The following BNC2 variants were observed in gnomAD, a reference collection of about 807,000 sequenced individuals.
The protein encoded by BNC2 is basonuclin zinc finger protein 2.
Under a neutral mutation model 76.3 loss-of-function variants are expected in BNC2, and 20 were observed. The ratio of observed to expected loss-of-function variants is 0.26; its 90% CI spans 0.18 to 0.38. The LOEUF is 0.38. BNC2 is among the 10% of genes least tolerant of loss of function. BNC2 has a pLI of 1.00. For missense variants in BNC2, 1,382 were observed against 1,399.8 expected, an observed-to-expected ratio of 0.99 and a Z score of 0.20; for synonymous variants, 582 against 514.8, an observed-to-expected ratio of 1.13 and a Z score of -1.77.
intron 1 of BNC2, among the ~76,000 whole-genome samples, chr9:16,780,219 G>A (rs540875586): frequency 1.8e-5 from 2 of 111,338 alleles, no homozygotes; most frequent in Non-Finnish European, 3.4e-5. Flanking sequence ...CTGGGTGACA[G>A]AGCAAGACTT....
Position 16,435,410 on chromosome 9 carries a change from G to A in BNC2, c.2639+145C>T, listed in dbSNP as rs780463041. ...GCAACAATCCTTCATGAGCATGGCA[G>A]CCTAGTTATCACATGATCACTGTGG... is the stretch of plus-strand genomic sequence containing the variant. On this transcript the variant is annotated intron_variant, in intron 6 of 6. Transcript: ENST00000380672. 22 of 975,538 alleles carry A rather than the reference G, an allele frequency of 2.3e-5. No individual in the cohort carries two copies. In the Middle Eastern group the frequency reaches 9.3e-4, roughly 41 times the overall value. The allele number at this position is 975,538 out of a possible 1,614,324, so 60.4% of individuals were successfully genotyped here.
intron 3 of BNC2, among the ~76,000 whole-genome samples, chr9:16,655,176 C>T (rs1234118037): frequency 6.6e-6 from 1 of 151,370 alleles, no homozygotes; most frequent in Non-Finnish European, 1.5e-5. Context: ...GAGGAAAAAA[C>T]TGGGGGAGGG....
intron 3 of BNC2, among the ~76,000 whole-genome samples, 157 bp from the exon 4 acceptor site, chr9:16,583,242 T>C (rs2133059709): frequency 6.6e-6 from 1 of 152,244 alleles, no homozygotes; most frequent in South Asian, 2.1e-4. Context: ...CACCAAAATC[T>C]CTTATTAAAA....
chr9:16,780,367 C>A (rs1295469207), intron 1 of BNC2, among the ~76,000 whole-genome samples: 1 of 150,600 alleles, frequency 6.6e-6, no homozygotes, highest in South Asian at 2.1e-4. Context: ...AGGTCAGGAG[C>A]TCAAGACCAT....
intron 5 of BNC2, among the ~76,000 whole-genome samples, chr9:16,468,431 C>T (rs1821743247): frequency 6.6e-6 from 1 of 151,442 alleles, no homozygotes; most frequent in Non-Finnish European, 1.5e-5. Context: ...GAGTCTCGCT[C>T]TGTCACCAGG....
intron 5 of BNC2, among the ~76,000 whole-genome samples, chr9:16,465,849 G>A (rs1295370999): frequency 1.3e-5 from 2 of 151,912 alleles, no homozygotes; most frequent in Non-Finnish European, 2.9e-5. Flanking sequence ...GCAGGAGAAG[G>A]AAATAAAGGG....
chr9:16,780,235 C>CCAA (rs1826099189), intron 1 of BNC2, among the ~76,000 whole-genome samples: 1 of 66,310 alleles, frequency 1.5e-5, no homozygotes, highest in Non-Finnish European at 2.7e-5. Context: ...GACTTCGTTT[C>CCAA]AAAAAAAAAA....
intron 1 of BNC2, among the ~76,000 whole-genome samples, chr9:16,811,533 C>G (rs1586903178): frequency 1.1e-5 from 1 of 87,100 alleles, no homozygotes; most frequent in Non-Finnish European, 2.1e-5. Flanking sequence ...GCCTGGGCAA[C>G]AAGAGTGAAA....
chr9:16,807,681 G>A (rs555129712), intron 1 of BNC2, among the ~76,000 whole-genome samples: 1 of 152,230 alleles, frequency 6.6e-6, no homozygotes, highest in African/African-American at 2.4e-5. Flanking sequence ...TTACTAAATT[G>A]TTTAATTGAA....
chr9:16,780,359 G>C (rs1466138229), intron 1 of BNC2, among the ~76,000 whole-genome samples: 1 of 151,868 alleles, frequency 6.6e-6, no homozygotes, highest in Non-Finnish European at 1.5e-5. Flanking sequence ...AGATCATGAG[G>C]TCAGGAGCTC....
At chr9:16,572,654 G>T (rs1163191730) in intron 4 of BNC2, among the ~76,000 whole-genome samples, 1 of 152,104 alleles carries the variant, frequency 6.6e-6, no homozygotes, top group African/African-American at 2.4e-5. Context: ...CGGGGGTGGG[G>T]AGTGGTGGTG....
intron 3 of BNC2, among the ~76,000 whole-genome samples, chr9:16,699,581 G>A (rs1358989923): frequency 2.6e-5 from 4 of 152,292 alleles, no homozygotes; most frequent in Non-Finnish European, 5.9e-5. Flanking sequence ...TGGCACTGTT[G>A]ATAAACAGAT....
At chr9:16,506,268 C>T (rs1822621565) in intron 5 of BNC2, among the ~76,000 whole-genome samples, 1 of 152,236 alleles carries the variant, frequency 6.6e-6, no homozygotes, top group Non-Finnish European at 1.5e-5. Context: ...TAGACGAAGG[C>T]CACCCACTCG....
intron 1 of BNC2, among the ~76,000 whole-genome samples, chr9:16,759,029 T>G (rs1825475359): frequency 1.3e-5 from 2 of 152,252 alleles, no homozygotes; most frequent in African/African-American, 4.8e-5. Flanking sequence ...TTTTTAGCAG[T>G]AATAAATTCC....
intron 5 of BNC2, among the ~76,000 whole-genome samples, chr9:16,485,245 G>A (rs1483560145): frequency 3.9e-5 from 6 of 152,070 alleles, no homozygotes; most frequent in African/African-American, 1.2e-4. Context: ...TAATACAATT[G>A]TTCTGAATTG....
intron 5 of BNC2, among the ~76,000 whole-genome samples, chr9:16,503,122 G>C (rs1822555450): frequency 6.6e-6 from 1 of 152,100 alleles, no homozygotes; most frequent in Admixed American, 6.6e-5. Context: ...GTATTTGAAA[G>C]AAAAACAGAA....
chr9:16,481,950 A>G (rs752865147), intron 5 of BNC2, among the ~76,000 whole-genome samples: 15 of 152,358 alleles, frequency 9.8e-5, no homozygotes, highest in South Asian at 8.3e-4. Context: ...ACTTCACGGG[A>G]TCATTATGTG....
chr9:16,759,744 C>G lies in BNC2; in HGVS notation c.4-21259G>C, dbSNP rs532149029. On this transcript the variant is annotated intron_variant, in intron 1 of 6. Coordinates refer to ENST00000380672, the MANE Select transcript of BNC2 (RefSeq NM_017637.6). ...TAAACTATTTTTTTTTTTTTTTTGA[C>G]ACAGAGTCTCGCTCTGTCGCCCTGA... 4.3e-4 allele frequency among the ~76,000 whole-genome samples: 59 copies of G among 138,758 alleles called. 1 individual carries two copies. The highest frequency in any genetic ancestry group is 1.5e-3 in the African/African-American group (56 of 37,546). The allele number at this position is 138,758 out of a possible 152,430, so 91.0% of individuals were successfully genotyped here. A position where few individuals can be genotyped will look rare whatever the true frequency, so the allele number is the denominator to read the frequency against.
intron 4 of BNC2, among the ~76,000 whole-genome samples, chr9:16,561,491 C>A (rs1419599617): frequency 6.6e-6 from 1 of 152,082 alleles, no homozygotes; most frequent in Non-Finnish European, 1.5e-5. Flanking sequence ...ACACAAGGAC[C>A]CAATTTCCAG....
Sources: gnomAD v4.1 joint callset for allele counts (sites outside exome capture counted in the v4.1 genomes callset) on GRCh38, gnomAD v4.1.1 for gene constraint, MANE v1.5 for transcripts, NCBI Gene and HGNC (gene_info 2026-07-23, HGNC 2026-07-21) for gene names.